Variants in TC2N observed in about 807,000 individuals in gnomAD.
TC2N encodes tandem C2 domains nuclear protein.
In TC2N, 51 loss-of-function variants were observed where a neutral mutation model predicts 61.9. The observed-to-expected ratio is 0.82, with a 90% CI of 0.66 to 1.04. TC2N has a LOEUF of 1.04. TC2N is among the 50% of genes least tolerant of loss of function. TC2N has a pLI of 0.00. For missense variants in TC2N, 556 were observed against 566.7 expected (o/e 0.98, Z 0.19); for synonymous variants, 204 against 192.6 (o/e 1.06, Z -0.49).
intron 3 of TC2N, among the ~76,000 whole-genome samples, chr14:91,808,979 G>GAAAA (rs36036860): frequency 1.3e-5 from 2 of 150,218 alleles, no homozygotes; most frequent in Non-Finnish European, 3.0e-5. Context: ...TAATAAGTAT[G>GAAAA]AAAAAAAAAG....
rs57708400 is a variant in TC2N, at chr14:91,851,438, G to T, written c.-57+15824C>A. ...TCTTTGGTTGTTCTCCCTCTGTGTG[G>T]TCTAAATAGAGTGTCAAGGTGTGTC... is the stretch of plus-strand genomic sequence containing the variant. On this transcript the variant is annotated intron_variant, in intron 1 of 11. Coordinates refer to ENST00000435962, the MANE Select transcript of TC2N (RefSeq NM_001128596.3). Among the ~76,000 whole-genome samples, 607 of 152,240 alleles carry T rather than the reference G, an allele frequency of 4.0e-3. 2 individuals carry two copies. Among genetic ancestry groups the T allele is most frequent in the African/African-American group, 0.014 (588 of 41,540 alleles).
Position 91,779,757 on chromosome 14 carries a change from ATAAT to A in TC2N, c.*3339_*3342del, listed in dbSNP as rs1245429666. On this transcript the variant is annotated 3_prime_UTR_variant, in exon 12 of 12. Coordinates refer to ENST00000435962, the MANE Select transcript of TC2N (RefSeq NM_001128596.3). ...CATTATGAGAGTCCTACAGTTTAAT[ATAAT>A]TATTTATTGTAATCATGGTTTATAG... The A allele has an allele frequency of 2.0e-5, 3 of 152,236 alleles. No homozygotes were observed. The highest frequency in any genetic ancestry group is 4.8e-5 in the African/African-American group (2 of 41,542). The allele number at this position is 152,236 out of a possible 1,614,324, so 9.4% of individuals were successfully genotyped here. A position where few individuals can be genotyped will look rare whatever the true frequency, so the allele number is the denominator to read the frequency against.
At chr14:91,802,191 C>T (rs1305901400) in intron 4 of TC2N, 63 bp downstream of exon 4, 6 of 1,384,746 alleles carry the variant, frequency 4.3e-6, no homozygotes, top group Non-Finnish European at 4.8e-6. Flanking sequence ...CCATATCTTA[C>T]ATTTGATTTC....
chr14:91,809,498 AAAC>A (rs1347706824), intron 3 of TC2N, among the ~76,000 whole-genome samples: 4 of 152,208 alleles, frequency 2.6e-5, no homozygotes, highest in Admixed American at 6.5e-5. Context: ...ACCAAAACTA[AAAC>A]AAAGCAAGAA....
In TC2N at chr14:91,861,958, GTA is replaced by G. The variant is rs199931528; in HGVS notation, c.-57+5302_-57+5303del. Among the ~76,000 whole-genome samples the G allele has an allele frequency of 4.2e-3, 640 of 151,688 alleles. 9 individuals are homozygous for G. The highest frequency in any genetic ancestry group is 0.019 in the Admixed American group (289 of 15,202). On this transcript the variant is annotated intron_variant, in intron 1 of 11. Coordinates refer to ENST00000435962, the MANE Select transcript of TC2N (RefSeq NM_001128596.3). ...TATATGTTTATATATGTATATGTGTGTATATGTGTGTGTGTATATATATGCAT... is the reference window on the plus strand; with the variant it reads ...TATATGTTTATATATGTATATGTGTGTATGTGTGTGTGTATATATATGCAT...
chr14:91,860,375 C>T (rs1295860067), intron 1 of TC2N, among the ~76,000 whole-genome samples: 10 of 151,194 alleles, frequency 6.6e-5, no homozygotes, highest in Admixed American at 6.6e-4. Context: ...CAAAATTAAG[C>T]AGGTTTTCTT....
At chr14:91,828,649 A>G (rs1163153770) in intron 1 of TC2N, among the ~76,000 whole-genome samples, 1 of 151,978 alleles carries the variant, frequency 6.6e-6, no homozygotes, top group African/African-American at 2.4e-5. Flanking sequence ...AGTTTCCTTG[A>G]AAGTATTCTG....
chr14:91,828,772 T>C (rs1433887814), intron 1 of TC2N, among the ~76,000 whole-genome samples: 1 of 152,068 alleles, frequency 6.6e-6, no homozygotes, highest in African/African-American at 2.4e-5. Flanking sequence ...AAAATTATAG[T>C]TCAATCTATA....
At chr14:91,814,981 G>T (rs1886945192) in intron 1 of TC2N, among the ~76,000 whole-genome samples, 1 of 151,374 alleles carries the variant, frequency 6.6e-6, no homozygotes, top group African/African-American at 2.4e-5. Context: ...AATTTGAAAA[G>T]TAAAGAAAAA....
At chr14:91,853,060 G>T (rs2139919833) in intron 1 of TC2N, among the ~76,000 whole-genome samples, 1 of 152,236 alleles carries the variant, frequency 6.6e-6, no homozygotes, top group South Asian at 2.1e-4. Flanking sequence ...GACAGAGAGA[G>T]ACTCCATCTA....
chr14:91,865,217 T>C (rs555820192), intron 1 of TC2N, among the ~76,000 whole-genome samples: 36 of 145,118 alleles, frequency 2.5e-4, no homozygotes, highest in South Asian at 6.5e-4. Context: ...TTTCTCACTT[T>C]AATGATTTAT....
Position 91,800,345 on chromosome 14 carries a change from G to T in TC2N, c.497C>A (p.Pro166His). 1 of 1,603,594 alleles carries T rather than the reference G, an allele frequency of 6.2e-7. No individual in the cohort carries two copies. The highest frequency in any genetic ancestry group is 8.5e-7 in the Non-Finnish European group (1 of 1,174,392). ...SVCDLRTNKL[P>H]GSPGLSKSMF... ...AGATTTGCTTAGCCCAGGGGAACCG[G>T]GAAGTTTGTTCGTCCTTAAATCACA... The change falls in exon 5 of 12, where the codon CCC becomes CAC. Residue 166 changes from proline to histidine, a missense_variant. By Grantham distance (77) the Pro-to-His change is moderately conservative. Transcript: ENST00000435962.
intron 1 of TC2N, among the ~76,000 whole-genome samples, chr14:91,826,084 C>T (rs529334709): frequency 5.9e-5 from 9 of 151,978 alleles, no homozygotes; most frequent in Non-Finnish European, 1.2e-4. Flanking sequence ...TTGTGGGGGC[C>T]GAGGCAGGAG....
In TC2N at chr14:91,782,803, C is replaced by A; in HGVS notation, c.*297G>T. On this transcript the variant is annotated 3_prime_UTR_variant, in exon 12 of 12. Transcript: ENST00000435962. ...AAGCGAAAACATAATATAGAAAGAA[C>A]TATCTATGGTTGATATTCTCACAGA... 1 of 253,520 alleles carries A rather than the reference C, an allele frequency of 3.9e-6. No homozygotes were observed. The highest frequency in any genetic ancestry group is 7.4e-6 in the Non-Finnish European group (1 of 134,408). The allele number at this position is 253,520 out of a possible 1,614,324, so 15.7% of individuals were successfully genotyped here.
intron 8 of TC2N, among the ~76,000 whole-genome samples, chr14:91,793,666 A>AT (rs1257330655): frequency 6.6e-6 from 1 of 152,188 alleles, no homozygotes; most frequent in Non-Finnish European, 1.5e-5. Flanking sequence ...CCACACCTAT[A>AT]TAAGATGGGC....
At chr14:91,831,827 C>A (rs966781388) in intron 1 of TC2N, among the ~76,000 whole-genome samples, 1 of 152,004 alleles carries the variant, frequency 6.6e-6, no homozygotes. Flanking sequence ...TCCCATATAC[C>A]CCCCTGCTTT....
At chr14:91,797,988 A>G in intron 7 of TC2N, 87 bp from the exon 8 acceptor site, 2 of 896,572 alleles carry the variant, frequency 2.2e-6, no homozygotes, top group Non-Finnish European at 3.4e-6. Context: ...CTGACTTTAG[A>G]TAAAAACTGC....
intron 8 of TC2N, among the ~76,000 whole-genome samples, chr14:91,796,832 G>A (rs1435778144): frequency 6.6e-6 from 1 of 152,068 alleles, no homozygotes; most frequent in Non-Finnish European, 1.5e-5. Flanking sequence ...CCAGTTTGTG[G>A]TACAGTACTG....
chr14:91,821,659 T>G (rs1213438354), intron 1 of TC2N, among the ~76,000 whole-genome samples: 5 of 152,028 alleles, frequency 3.3e-5, no homozygotes, highest in Non-Finnish European at 7.4e-5. Context: ...CTAGATTTAA[T>G]TGAAATTAAA....
Sources: allele counts gnomAD v4.1 joint callset (sites outside exome capture counted in the v4.1 genomes callset), GRCh38; gene constraint gnomAD v4.1.1; transcripts MANE v1.5; gene names NCBI Gene and HGNC (gene_info 2026-07-23, HGNC 2026-07-21).